Variants in LRRC53 observed in about 807,000 individuals in gnomAD.
LRRC53 encodes the protein leucine rich repeat containing 53.
LRRC53 carries 25 observed loss-of-function variants against 13.6 expected under a neutral mutation model. The observed-to-expected ratio is 1.83, with a 90% CI of 1.34 to 2.56. The LOEUF is 2.56. Ranked by LOEUF, LRRC53 falls within the 30% of genes most tolerant of loss-of-function variation. The probability of loss-of-function intolerance (pLI) is 0.00; values close to 1 mark genes in which losing one functional copy is unlikely to be tolerated. For synonymous variants in LRRC53, 204 were observed against 109.8 expected, an observed-to-expected ratio of 1.86 and a Z score of -5.37; for missense variants, 527 against 275.8, an observed-to-expected ratio of 1.91 and a Z score of -6.45.
chr1:74,477,965 A>G (rs1668289028), intron 3 of LRRC53, among the ~76,000 whole-genome samples: 1 of 152,200 alleles, frequency 6.6e-6, no homozygotes, highest in African/African-American at 2.4e-5. Context: ...TTCATAGTGT[A>G]AGTGTCAAGA....
chr1:74,514,490 GAA>G (rs1337555929), upstream of LRRC53, among the ~76,000 whole-genome samples: 1 of 152,154 alleles, frequency 6.6e-6, no homozygotes, highest in Non-Finnish European at 1.5e-5. Context: ...CACTTAAGAA[GAA>G]AAGTCTTGAT....
At chr1:74,474,718 G>A (rs1668104560) in intron 4 of LRRC53, among the ~76,000 whole-genome samples, 1 of 152,118 alleles carries the variant, frequency 6.6e-6, no homozygotes, top group Non-Finnish European at 1.5e-5. Flanking sequence ...GTGGGTAGAT[G>A]TCACGGCCAG....
intron 1 of LRRC53, chr1:74,489,302 G>A (rs1668925589): frequency 1.3e-6 from 2 of 1,569,948 alleles, no homozygotes; most frequent in Admixed American, 1.8e-5. Context: ...CATATCCAAG[G>A]CTGTCAGGGA....
At chr1:74,511,138 T>C (rs1670194976) in intron 1 of LRRC53, among the ~76,000 whole-genome samples, 1 of 151,522 alleles carries the variant, frequency 6.6e-6, no homozygotes, top group Admixed American at 6.6e-5. Context: ...AGGTGATCCA[T>C]CCGCCTTGGC....
At chr1:74,532,937 C>T in the LRRC53 span, among the ~76,000 whole-genome samples, 2,208 of 152,186 alleles carry the variant, frequency 0.015, 67 homozygotes, top group African/African-American at 0.051. Context: ...AAGACTTAAA[C>T]GCTAGACCTA....
chr1:74,480,531 C>A lies in LRRC53; in HGVS notation c.526G>T (p.Ala176Ser), dbSNP rs1409951636. Residue 176 changes from alanine (A) to serine (S), a missense_variant, in exon 3 of 5, where the codon GCC becomes TCC. Ala to Ser is a moderately conservative substitution (Grantham distance 99). Transcript: ENST00000294635. The part of the protein sequence containing the change: ...NNFISYIGKD[A>S]FRPLPQLQEV... The stretch of plus-strand genomic sequence containing the variant: ...TGTAGTTGAGGCAGGGGCCGGAAGG[C>A]ATCTTTCCCAATGTAGGAAATAAAA... 1 of 717,462 alleles carries A rather than the reference C, an allele frequency of 1.4e-6. No individual in the cohort carries two copies. The highest frequency in any genetic ancestry group is 2.0e-5 in the Admixed American group (1 of 50,016). 44.4% of individuals were successfully genotyped at this position (717,462 alleles called of 1,614,324 possible).
Position 74,480,905 on chromosome 1 carries a change from G to A in LRRC53, c.152C>T (p.Thr51Ile). 1 of 717,422 alleles carries A rather than the reference G, an allele frequency of 1.4e-6. No individual in the cohort carries two copies. Among genetic ancestry groups the A allele is most frequent in the Middle Eastern group, 2.3e-4 (1 of 4,368 alleles). The allele number at this position is 717,422 out of a possible 1,614,324, so 44.4% of individuals were successfully genotyped here. A position where few individuals can be genotyped will look rare whatever the true frequency, so the allele number is the denominator to read the frequency against. The part of the protein sequence containing the change: ...TDGYLSSIES[T>I]NLSLLFNLAL... Reference sequence around the variant, plus strand: ...AAGATTAAACAAGAGAGACAGGTTTGTGCTCTCAATAGAGGAGAGATATCC... The same window carrying A: ...AAGATTAAACAAGAGAGACAGGTTTATGCTCTCAATAGAGGAGAGATATCC... Residue 51 changes from threonine (T) to isoleucine (I), a missense_variant, in exon 3 of 5, where the codon ACA becomes ATA. Coordinates refer to ENST00000294635, the MANE Select transcript of LRRC53 (RefSeq NM_001382280.1).
intron 1 of LRRC53, among the ~76,000 whole-genome samples, chr1:74,493,994 G>A (rs578090369): frequency 6.6e-6 from 1 of 152,098 alleles, no homozygotes; most frequent in Non-Finnish European, 1.5e-5. Flanking sequence ...ATATAAATAC[G>A]GTTGTCAGGG....
At chr1:74,493,617 T>C (rs1669184234) in intron 1 of LRRC53, among the ~76,000 whole-genome samples, 1 of 152,210 alleles carries the variant, frequency 6.6e-6, no homozygotes, top group South Asian at 2.1e-4. Flanking sequence ...CATAATCATT[T>C]ATTTCTTGCT....
Position 74,471,297 on chromosome 1 carries a change from C to G in LRRC53, c.2325G>C (p.Glu775Asp), listed in dbSNP as rs1196625310. ...AAGTGAGTCTAACATAGTTGCTACT[C>G]TCTGACTGTTGAAGAAAATCTGCAG... Reference protein sequence around the residue: ...VCSADFLQQSESSNYVRLTSK... With the variant: ...VCSADFLQQSDSSNYVRLTSK... Residue 775 changes from glutamate to aspartate, a missense_variant, in exon 5 of 5, where the codon GAG (glutamate) becomes GAC (aspartate). Coordinates refer to ENST00000294635, the MANE Select transcript of LRRC53 (RefSeq NM_001382280.1). The G allele has an allele frequency of 2.5e-6, 1 of 400,538 alleles. No individual in the cohort carries two copies. The highest frequency in any genetic ancestry group is 4.4e-6 in the Non-Finnish European group (1 of 226,156). 24.8% of individuals were successfully genotyped at this position (400,538 alleles called of 1,614,324 possible).
the LRRC53 span, among the ~76,000 whole-genome samples, chr1:74,522,884 C>T: frequency 6.6e-5 from 10 of 152,144 alleles, no homozygotes; most frequent in Non-Finnish European, 1.0e-4. Context: ...TCCAGCACTG[C>T]GTGATCCAAA....
At chr1:74,534,775 G>A in the LRRC53 span, among the ~76,000 whole-genome samples, 1 of 152,172 alleles carries the variant, frequency 6.6e-6, no homozygotes, top group Middle Eastern at 3.4e-3. Flanking sequence ...GGATTTCCTA[G>A]TGCCAGCCTT....
chr1:74,530,233 TA>T, the LRRC53 span, among the ~76,000 whole-genome samples: 1 of 152,156 alleles, frequency 6.6e-6, no homozygotes, highest in African/African-American at 2.4e-5. Flanking sequence ...TTGTGCTTGA[TA>T]AAAAGCCATG....
chr1:74,518,434 G>C, the LRRC53 span, among the ~76,000 whole-genome samples: 1 of 152,078 alleles, frequency 6.6e-6, no homozygotes, highest in Admixed American at 6.6e-5. Context: ...TGTATCTAAA[G>C]GGCAGTTATA....
chr1:74,471,657 G>T lies in LRRC53; in HGVS notation c.1965C>A (p.Pro655=). 1 of 400,702 alleles carries T rather than the reference G, an allele frequency of 2.5e-6. No individual in the cohort carries two copies. The highest frequency in any genetic ancestry group is 1.3e-4 in the South Asian group (1 of 7,934). 24.8% of individuals were successfully genotyped at this position (400,702 alleles called of 1,614,324 possible). A position where few individuals can be genotyped will look rare whatever the true frequency, so the allele number is the denominator to read the frequency against. Residue 655 remains proline, a synonymous_variant, in exon 5 of 5, where the codon CCC becomes CCA. Coordinates refer to ENST00000294635, the MANE Select transcript of LRRC53 (RefSeq NM_001382280.1). ...GTCGTTTCCAAGGGGTTGATATTTTGGGTGACATCATCGACCTATTTATTT... is the reference window on the plus strand; with the variant it reads ...GTCGTTTCCAAGGGGTTGATATTTTTGGTGACATCATCGACCTATTTATTT... ...LVEINRSMMS[P]KISTPWKRQK...
At chr1:74,533,327 G>A in the LRRC53 span, among the ~76,000 whole-genome samples, 2 of 152,224 alleles carry the variant, frequency 1.3e-5, no homozygotes, top group African/African-American at 2.4e-5. Flanking sequence ...ACCATCACTG[G>A]CCATCAGAGA....
chr1:74,492,773 C>T (rs1288381108), intron 1 of LRRC53, among the ~76,000 whole-genome samples: 1 of 152,134 alleles, frequency 6.6e-6, no homozygotes, highest in East Asian at 1.9e-4. Flanking sequence ...CCCAAAAGTC[C>T]ATCAACCAAT....
In LRRC53 at chr1:74,493,519, T is replaced by A. The variant is rs45559541; in HGVS notation, c.-26-10144A>T. 5.7e-3 allele frequency among the ~76,000 whole-genome samples: 874 copies of A among 152,326 alleles called. 8 individuals are homozygous for A. Among genetic ancestry groups the A allele is most frequent in the African/African-American group, 0.02 (824 of 41,576 alleles). On this transcript the variant is annotated intron_variant, in intron 1 of 4. Coordinates refer to ENST00000294635, the MANE Select transcript of LRRC53 (RefSeq NM_001382280.1). ...TAGTCTCTTTGTCTCTCAGCTTAAA[T>A]GTTAAGTTTCAAAGAGAAATATATC... is the stretch of plus-strand genomic sequence containing the variant.
At position 74,471,296 on chromosome 1, in the gene LRRC53, T is replaced by A. The variant is rs942307971; in HGVS notation, c.2326A>T (p.Ser776Cys). 15 of 400,536 alleles carry A rather than the reference T, an allele frequency of 3.7e-5. No individual in the cohort carries two copies. The highest frequency in any genetic ancestry group is 6.2e-5 in the Non-Finnish European group (14 of 226,138). The allele number at this position is 400,536 out of a possible 1,614,324, so 24.8% of individuals were successfully genotyped here. ...CSADFLQQSE[S>C]SNYVRLTSKR... is the part of the protein sequence containing the mutation. ...GAAGTGAGTCTAACATAGTTGCTAC[T>A]CTCTGACTGTTGAAGAAAATCTGCA... Residue 776 changes from serine (S) to cysteine (C), a missense_variant, in exon 5 of 5, where the codon AGT (serine) becomes TGT (cysteine). By Grantham distance (112) the Ser-to-Cys change is moderately radical. Transcript: ENST00000294635.
Sources: allele counts gnomAD v4.1 joint callset (sites outside exome capture counted in the v4.1 genomes callset), GRCh38; gene constraint gnomAD v4.1.1; transcripts MANE v1.5; gene names NCBI Gene and HGNC (gene_info 2026-07-23, HGNC 2026-07-21).